CSNK2A1: variants seen among roughly 807,000 people sequenced by gnomAD.
CSNK2A1 encodes the protein casein kinase II subunit alpha.
In CSNK2A1, 10 loss-of-function variants were observed where a neutral mutation model predicts 62.9. The ratio of observed to expected loss-of-function variants is 0.16; its 90% CI spans 0.10 to 0.27. The LOEUF (loss-of-function observed/expected upper bound fraction) is 0.27. CSNK2A1 is among the 10% of genes least tolerant of loss of function. The pLI is 1.00. For synonymous variants in CSNK2A1, 124 were observed against 167.8 expected (o/e 0.74, Z 2.02); for missense variants, 160 against 492.0 (o/e 0.33, Z 6.38).
At chr20:502,949 G>C (rs1180769533) in intron 4 of CSNK2A1, 1 of 152,166 alleles carries the variant, frequency 6.6e-6, no homozygotes, top group Non-Finnish European at 1.5e-5. Flanking sequence ...CATTCAGCCT[G>C]AAGACAGCTC....
At position 475,548 on chromosome 20, in the gene CSNK2A1, AC is replaced by A. The variant is rs1355015717; in HGVS notation, c.*8412del. 6.6e-6 allele frequency: 1 copy of A among 151,644 alleles called. No homozygotes were observed. The highest frequency in any genetic ancestry group is 1.5e-5 in the Non-Finnish European group (1 of 67,984). The allele number at this position is 151,644 out of a possible 1,614,324, so 9.4% of individuals were successfully genotyped here. ...TTATATGTGGTTGCCTTCTGTTCCTACTGATATATATGAATAGTATGGCTGA... is the reference window on the plus strand; with the variant it reads ...TTATATGTGGTTGCCTTCTGTTCCTATGATATATATGAATAGTATGGCTGA... On this transcript the variant is annotated 3_prime_UTR_variant, in exon 14 of 14. Coordinates refer to ENST00000217244, the MANE Select transcript of CSNK2A1 (RefSeq NM_177559.3).
chr20:484,552 T>C (rs977257293), intron 13 of CSNK2A1, among the ~76,000 whole-genome samples: 5 of 152,222 alleles, frequency 3.3e-5, no homozygotes, highest in African/African-American at 1.2e-4. Context: ...GCTCATGTGC[T>C]CTTACACCAT....
At chr20:527,135 T>C (rs1294626580) in intron 2 of CSNK2A1, among the ~76,000 whole-genome samples, 1 of 151,174 alleles carries the variant, frequency 6.6e-6, no homozygotes, top group Non-Finnish European at 1.5e-5. Flanking sequence ...AGAATGGAAA[T>C]GATACATCAC....
chr20:491,425 G>T (rs996258177), intron 9 of CSNK2A1, among the ~76,000 whole-genome samples: 9 of 152,138 alleles, frequency 5.9e-5, no homozygotes, highest in African/African-American at 2.2e-4. Flanking sequence ...TCAGCACTTT[G>T]GGGAGCCAAG....
At chr20:525,087 TGACA>T (rs1183429988) in intron 2 of CSNK2A1, among the ~76,000 whole-genome samples, 2 of 152,152 alleles carry the variant, frequency 1.3e-5, no homozygotes, top group Non-Finnish European at 2.9e-5. Context: ...CCAACCTGGC[TGACA>T]GACACTCTGC....
At chr20:503,776 T>TC (rs1256103182) in intron 4 of CSNK2A1, 1 of 398,128 alleles carries the variant, frequency 2.5e-6, no homozygotes, top group East Asian at 3.6e-5. Context: ...CAGCAACAGG[T>TC]CTACATAACC....
chr20:540,297 T>C (rs1041885591), intron 1 of CSNK2A1, among the ~76,000 whole-genome samples: 3 of 152,206 alleles, frequency 2.0e-5, no homozygotes, highest in Non-Finnish European at 4.4e-5. Flanking sequence ...AAAGTTCACA[T>C]TCACAAATAA....
intron 11 of CSNK2A1, 28 bp downstream of exon 11, chr20:488,650 G>C (rs2018151882): frequency 6.2e-7 from 1 of 1,604,074 alleles, no homozygotes; most frequent in Non-Finnish European, 8.5e-7. Flanking sequence ...TTAAGCCACA[G>C]ATGCACATAT....
intron 7 of CSNK2A1, 35 bp from the exon 8 acceptor site, chr20:495,837 GAAT>G (rs767035395): frequency 2.7e-5 from 42 of 1,561,760 alleles, no homozygotes; most frequent in Non-Finnish European, 3.4e-5. Context: ...GAGTTAGCCT[GAAT>G]AATACGTAAG....
intron 12 of CSNK2A1, chr20:487,037 G>A (rs2018115574): frequency 4.8e-6 from 1 of 210,314 alleles, no homozygotes; most frequent in Non-Finnish European, 9.7e-6. Flanking sequence ...GGCACAGGTG[G>A]CTATACTCAC....
intron 13 of CSNK2A1, among the ~76,000 whole-genome samples, chr20:484,469 T>G (rs2018022992): frequency 6.6e-6 from 1 of 152,184 alleles, no homozygotes; most frequent in African/African-American, 2.4e-5. Flanking sequence ...ATTTTAAATT[T>G]TATTCAATTG....
intron 1 of CSNK2A1, chr20:539,419 CA>C (rs1267837220): frequency 6.6e-6 from 1 of 152,250 alleles, no homozygotes; most frequent in African/African-American, 2.4e-5. Flanking sequence ...CCCCGTCTCA[CA>C]CTTTCAATCT....
At chr20:535,452 A>G (rs898457505) in intron 1 of CSNK2A1, among the ~76,000 whole-genome samples, 10 of 152,108 alleles carry the variant, frequency 6.6e-5, no homozygotes, top group Non-Finnish European at 1.3e-4. Flanking sequence ...CATTCTATAT[A>G]ATCATAAATA....
chr20:480,435 C>A lies in CSNK2A1; in HGVS notation c.*3526G>T, dbSNP rs1452490997. The A allele has an allele frequency of 4.0e-5, 6 of 150,018 alleles. No homozygotes were observed. The highest frequency in any genetic ancestry group is 2.1e-4 in the South Asian group (1 of 4,708). 9.3% of individuals were successfully genotyped at this position (150,018 alleles called of 1,614,324 possible). A position where few individuals can be genotyped will look rare whatever the true frequency, so the allele number is the denominator to read the frequency against. ...AAACGAACCCACTTAAAAAAAAAAA[C>A]AAAAGGTTTTAATGAGGATTGCATA... On this transcript the variant is annotated 3_prime_UTR_variant, in exon 14 of 14. Transcript: ENST00000217244.
At position 483,299 on chromosome 20, in the gene CSNK2A1, TG is replaced by T. The variant is rs1246849784; in HGVS notation, c.*661del. 6.6e-6 allele frequency: 1 copy of T among 152,204 alleles called. No homozygotes were observed. The highest frequency in any genetic ancestry group is 1.5e-5 in the Non-Finnish European group (1 of 68,028). 9.4% of individuals were successfully genotyped at this position (152,204 alleles called of 1,614,324 possible). A position where few individuals can be genotyped will look rare whatever the true frequency, so the allele number is the denominator to read the frequency against. ...TAGATCAGTAAGACATGATTCTTAC[TG>T]AACAGAAGTTTTTAGTATCTGTCTG... is the stretch of plus-strand genomic sequence containing the variant. On this transcript the variant is annotated 3_prime_UTR_variant, in exon 14 of 14. Transcript: ENST00000217244.
chr20:484,402 C>T (rs1271195501), intron 13 of CSNK2A1, among the ~76,000 whole-genome samples: 1 of 152,206 alleles, frequency 6.6e-6, no homozygotes, highest in African/African-American at 2.4e-5. Context: ...TGACCAGTAG[C>T]CAACCACATG....
At chr20:543,647 C>T (rs1217230182) in intron 1 of CSNK2A1, 25 bp downstream of exon 1, 4 of 397,820 alleles carry the variant, frequency 1.0e-5, no homozygotes, top group Non-Finnish European at 1.8e-5. Context: ...CCGCCAACGA[C>T]CTCGCCTGGC....
chr20:500,083 T>G, intron 4 of CSNK2A1, 149 bp from the exon 5 acceptor site: 1 of 636,426 alleles, frequency 1.6e-6, no homozygotes, highest in Non-Finnish European at 2.7e-6. Flanking sequence ...TCTGAATCCT[T>G]CTCCTAGCAC....
chr20:511,830 A>G (rs2018727928), intron 2 of CSNK2A1, among the ~76,000 whole-genome samples: 1 of 152,162 alleles, frequency 6.6e-6, no homozygotes, highest in Admixed American at 6.5e-5. Context: ...GTGTACAAAC[A>G]TCTGTTTGAG....
Sources: gnomAD v4.1 joint callset for allele counts (sites outside exome capture counted in the v4.1 genomes callset) on GRCh38, gnomAD v4.1.1 for gene constraint, MANE v1.5 for transcripts, NCBI Gene and HGNC (gene_info 2026-07-23, HGNC 2026-07-21) for gene names.